Variants in UBE2J2 observed in about 807,000 individuals in gnomAD.
UBE2J2 encodes ubiquitin-conjugating enzyme E2 J2.
A neutral mutation model predicts 28.6 loss-of-function variants in UBE2J2; 5 were observed. That is an observed-to-expected ratio of 0.17 (90% CI 0.09 to 0.37). The LOEUF is 0.37. UBE2J2 is among the 10% of genes least tolerant of loss of function. The pLI is 1.00. For synonymous variants in UBE2J2, 138 were observed against 139.7 expected (o/e 0.99, Z 0.09); for missense variants, 226 against 338.9 (o/e 0.67, Z 2.62).
chr1:1,257,381 T>TTCC, intron 3 of UBE2J2, 71 bp from the exon 4 acceptor site: 1 of 194,372 alleles, frequency 5.1e-6, no homozygotes. Context: ...CTCGTCCCCA[T>TTCC]CCCCCCACGC....
At position 1,263,477 on chromosome 1, in the gene UBE2J2, C is replaced by G. The variant is rs1020005777; in HGVS notation, c.132-91G>C. On this transcript the variant is annotated intron_variant, in intron 2 of 6. Transcript: ENST00000349431. The stretch of plus-strand genomic sequence containing the variant: ...CAAGCCTGGGGTTTATAGAACCCAG[C>G]CAAAATTACATTCACATTCAGGCAG... 3 of 1,126,470 alleles carry G rather than the reference C, an allele frequency of 2.7e-6. No homozygotes were observed. In the South Asian group the frequency reaches 3.7e-5, roughly 14 times the overall value. The allele number at this position is 1,126,470 out of a possible 1,614,324, so 69.8% of individuals were successfully genotyped here. A position where few individuals can be genotyped will look rare whatever the true frequency, so the allele number is the denominator to read the frequency against.
At chr1:1,262,050 T>G in intron 3 of UBE2J2, 2 of 248,014 alleles carry the variant, frequency 8.1e-6, no homozygotes, top group South Asian at 3.7e-5. Context: ...AGAGATGGGG[T>G]TTCTCCGTGT....
At position 1,255,431 on chromosome 1, in the gene UBE2J2, G is replaced by T. The variant is rs930050560; in HGVS notation, c.552C>A (p.Leu184=). Residue 184 remains leucine, a synonymous_variant, in exon 7 of 7, where the codon CTC becomes CTA. Coordinates refer to ENST00000349431, the MANE Select transcript of UBE2J2 (RefSeq NM_058167.3). ...CGTCTGGAACCACGTCTGGCAAGGG[G>T]AGAGTCTGGGGTCTGCTACTGAGTT... is the stretch of plus-strand genomic sequence containing the variant. The part of the protein sequence containing the change: ...QDELSSRPQT[L]PLPDVVPDGE... 4 of 1,613,824 alleles carry T rather than the reference G, an allele frequency of 2.5e-6. No homozygotes were observed. In the Admixed American group the frequency reaches 5.0e-5, roughly 20 times the overall value.
chr1:1,258,079 G>C (rs1041423256), intron 3 of UBE2J2, among the ~76,000 whole-genome samples: 1 of 151,114 alleles, frequency 6.6e-6, no homozygotes, highest in African/African-American at 2.4e-5. Context: ...TTGCTCTGTC[G>C]CCCAGGCTGG....
At chr1:1,270,938 T>C (rs1009021968) in intron 1 of UBE2J2, among the ~76,000 whole-genome samples, 2 of 151,738 alleles carry the variant, frequency 1.3e-5, no homozygotes, top group African/African-American at 4.9e-5. Context: ...GACACACTCC[T>C]TCTCACAGCT....
At chr1:1,266,906 G>C (rs542969525) in intron 2 of UBE2J2, among the ~76,000 whole-genome samples, 2 of 151,778 alleles carry the variant, frequency 1.3e-5, no homozygotes, top group South Asian at 4.2e-4. Flanking sequence ...ATTTTATTTT[G>C]AGACAGAGTT....
chr1:1,267,182 C>T (rs1349036783), intron 2 of UBE2J2, among the ~76,000 whole-genome samples: 1 of 152,150 alleles, frequency 6.6e-6, no homozygotes, highest in African/African-American at 2.4e-5. Context: ...AGCCACCATG[C>T]CCGGCCTCTC....
At chr1:1,269,756 G>A (rs1030431823) in intron 1 of UBE2J2, among the ~76,000 whole-genome samples, 9 of 152,114 alleles carry the variant, frequency 5.9e-5, no homozygotes, top group East Asian at 1.9e-4. Context: ...GAGTCCCCGC[G>A]CCCAGCCATG....
At position 1,255,425 on chromosome 1, in the gene UBE2J2, C is replaced by G. The variant is rs758054622; in HGVS notation, c.558G>C (p.Leu186Phe). 1 of 1,613,850 alleles carries G rather than the reference C, an allele frequency of 6.2e-7. No individual in the cohort carries two copies. The highest frequency in any genetic ancestry group is 8.5e-7 in the Non-Finnish European group (1 of 1,180,030). ...TCTCCCCGTCTGGAACCACGTCTGG[C>G]AAGGGGAGAGTCTGGGGTCTGCTAC... ...ELSSRPQTLP[L>F]PDVVPDGETH... Residue 186 changes from leucine to phenylalanine, a missense_variant, in exon 7 of 7, where the codon TTG becomes TTC. Leu to Phe is a conservative substitution (Grantham distance 22, BLOSUM62 0). Transcript: ENST00000349431.
At chr1:1,258,878 G>A in intron 3 of UBE2J2, among the ~76,000 whole-genome samples, 1 of 152,266 alleles carries the variant, frequency 6.6e-6, no homozygotes, top group East Asian at 1.9e-4. Context: ...CACGCTGGCT[G>A]CCCAGGCTGC....
intron 5 of UBE2J2, 132 bp downstream of exon 5, chr1:1,256,860 C>A (rs1347689676): frequency 4.3e-6 from 4 of 921,358 alleles, no homozygotes. Flanking sequence ...GCACTCCAGC[C>A]TGGAGACACA....
In UBE2J2 at chr1:1,255,092, A is replaced by G. The variant is rs1639091162; in HGVS notation, c.*111T>C. On this transcript the variant is annotated 3_prime_UTR_variant, in exon 7 of 7. Transcript: ENST00000349431. ...TCCCCTTTCAGGTTTTTAAAAGCTA[A>G]ACCTAGGAGCCTGGTGGGTCTGCCT... The G allele has an allele frequency of 8.0e-7, 1 of 1,252,158 alleles. No homozygotes were observed. The highest frequency in any genetic ancestry group is 2.6e-4 in the Middle Eastern group (1 of 3,800). 77.6% of individuals were successfully genotyped at this position (1,252,158 alleles called of 1,614,324 possible).
At chr1:1,263,138 C>A (rs1161277235) in intron 3 of UBE2J2, 3 of 561,712 alleles carry the variant, frequency 5.3e-6, no homozygotes, top group Non-Finnish European at 9.7e-6. Context: ...ACGCTACAGG[C>A]GGCCCTGCAG....
Position 1,256,077 on chromosome 1 carries a change from C to CT in UBE2J2, c.462dup (p.Val155SerfsTer4). Reference sequence around the variant, plus strand: ...ACTTCAGGAAATAATTCACAAAAGACTTTATCTTTCAAATTAAATGCTAAA... The same window carrying CT: ...ACTTCAGGAAATAATTCACAAAAGACTTTTATCTTTCAAATTAAATGCTAAA... On this transcript the variant is annotated frameshift_variant, in exon 6 of 7. Transcript: ENST00000349431. LOFTEE classifies it high-confidence loss of function. 1 of 1,613,798 alleles carries CT rather than the reference C, an allele frequency of 6.2e-7. No individual in the cohort carries two copies. Among genetic ancestry groups the CT allele is most frequent in the Non-Finnish European group, 8.5e-7 (1 of 1,179,756 alleles).
At chr1:1,260,144 G>A (rs1336443590) in intron 3 of UBE2J2, among the ~76,000 whole-genome samples, 1 of 152,214 alleles carries the variant, frequency 6.6e-6, no homozygotes, top group Non-Finnish European at 1.5e-5. Flanking sequence ...AGTCAACAGT[G>A]GAGGGACGGC....
chr1:1,263,152 G>T, intron 3 of UBE2J2, 194 bp downstream of exon 3: 1 of 612,770 alleles, frequency 1.6e-6, no homozygotes, highest in Admixed American at 2.5e-5. Flanking sequence ...CCTGCAGGCT[G>T]AGACACATCA....
intron 2 of UBE2J2, chr1:1,263,690 A>G (rs1639688559): frequency 3.6e-6 from 1 of 277,050 alleles, no homozygotes; most frequent in Non-Finnish European, 7.1e-6. Flanking sequence ...GAAATCTTAA[A>G]TAAATTTTAA....
chr1:1,259,109 C>T (rs1219908540), intron 3 of UBE2J2, among the ~76,000 whole-genome samples: 6 of 138,878 alleles, frequency 4.3e-5, no homozygotes, highest in Non-Finnish European at 6.0e-5. Flanking sequence ...CATGTGTGTG[C>T]ATGCCATCAG....
intron 5 of UBE2J2, among the ~76,000 whole-genome samples, 175 bp downstream of exon 5, chr1:1,256,817 G>A (rs1021974341): frequency 6.6e-6 from 1 of 151,490 alleles, no homozygotes; most frequent in African/African-American, 2.4e-5. Context: ...ACCCCGGGGG[G>A]CGGAGCTTGC....
Sources: allele counts gnomAD v4.1 joint callset (sites outside exome capture counted in the v4.1 genomes callset), GRCh38; gene constraint gnomAD v4.1.1; transcripts MANE v1.5; gene names NCBI Gene and HGNC (gene_info 2026-07-23, HGNC 2026-07-21).